TBL1XR1: variants seen among roughly 807,000 people sequenced by gnomAD.
TBL1XR1 encodes the protein TBL1X/Y related 1.
In TBL1XR1, 5 loss-of-function variants were observed where a neutral mutation model predicts 66.9. The observed-to-expected ratio is 0.07, with a 90% CI of 0.04 to 0.16. The LOEUF is 0.16. Among genes scored for constraint, TBL1XR1 ranks in the 10% least tolerant of loss-of-function variants. The pLI, the probability that TBL1XR1 is intolerant of heterozygous loss-of-function variation, is 1.00. For synonymous variants in TBL1XR1, 210 were observed against 206.0 expected, an observed-to-expected ratio of 1.02 and a Z score of -0.17; for missense variants, 238 against 623.2, an observed-to-expected ratio of 0.38 and a Z score of 6.58.
At position 177,034,277 on chromosome 3, in the gene TBL1XR1, T is replaced by C. The variant is rs749005513; in HGVS notation, c.1171A>G (p.Asn391Asp). 3 of 1,598,496 alleles carry C rather than the reference T, an allele frequency of 1.9e-6. No individual in the cohort carries two copies. In the African/African-American group the frequency reaches 4.1e-5, roughly 22 times the overall value. The stretch of plus-strand genomic sequence containing the variant: ...CATTTGATAGTATAAATTTCTTTAT[T>C]ATGTGCTTGCAAATCATGGACACAA... ...DNCVHDLQAHNKEIYTIKWSP... is the reference protein window; with the variant it reads ...DNCVHDLQAHDKEIYTIKWSP... The change falls in exon 13 of 16, where the codon AAT becomes GAT. Residue 391 changes from asparagine to aspartate, a missense_variant. Asn to Asp is a conservative substitution (Grantham distance 23). This residue lies in a region of TBL1XR1 where 89 missense variants were observed against 220.2 expected (regional missense o/e 0.40). Transcript: ENST00000457928.
chr3:177,138,370 G>A (rs1729236699), intron 1 of TBL1XR1, among the ~76,000 whole-genome samples: 1 of 152,172 alleles, frequency 6.6e-6, no homozygotes, highest in South Asian at 2.1e-4. Flanking sequence ...CGAGGTGGGA[G>A]AACTGATTGA....
chr3:177,183,877 T>G (rs1294439570), intron 1 of TBL1XR1, among the ~76,000 whole-genome samples: 1 of 151,964 alleles, frequency 6.6e-6, no homozygotes, highest in South Asian at 2.1e-4. Context: ...CAAGGCAAGG[T>G]GGATCACCTG....
At chr3:177,077,001 T>C (rs1174721297) in intron 2 of TBL1XR1, among the ~76,000 whole-genome samples, 1 of 152,190 alleles carries the variant, frequency 6.6e-6, no homozygotes, top group African/African-American at 2.4e-5. Flanking sequence ...AACGAGCATG[T>C]CCTATATGGG....
intron 1 of TBL1XR1, among the ~76,000 whole-genome samples, chr3:177,171,870 G>A (rs1733558935): frequency 6.6e-6 from 1 of 152,118 alleles, no homozygotes; most frequent in Non-Finnish European, 1.5e-5. Context: ...TCAAAGGACA[G>A]AGCATGTTGA....
intron 1 of TBL1XR1, among the ~76,000 whole-genome samples, chr3:177,108,210 A>T (rs572377968): frequency 6.6e-6 from 1 of 152,310 alleles, no homozygotes; most frequent in South Asian, 2.1e-4. Context: ...CTTACTATTT[A>T]AACACTGCCT....
intron 10 of TBL1XR1, among the ~76,000 whole-genome samples, chr3:177,045,473 C>T (rs1401421769): frequency 6.6e-6 from 1 of 152,046 alleles, no homozygotes; most frequent in Non-Finnish European, 1.5e-5. Flanking sequence ...GGGTGTGTGA[C>T]TGTATATCAT....
chr3:177,173,282 CGTAG>C (rs1229929109), intron 1 of TBL1XR1, among the ~76,000 whole-genome samples: 1 of 152,172 alleles, frequency 6.6e-6, no homozygotes, highest in African/African-American at 2.4e-5. Flanking sequence ...CCCTCTAGTA[CGTAG>C]AACTTAACAT....
chr3:177,073,706 G>A (rs543022592), intron 2 of TBL1XR1, among the ~76,000 whole-genome samples: 1 of 152,322 alleles, frequency 6.6e-6, no homozygotes, highest in African/African-American at 2.4e-5. Flanking sequence ...ACAATACAGT[G>A]AAGAGTGGGC....
At chr3:177,118,323 G>A (rs188415644) in intron 1 of TBL1XR1, among the ~76,000 whole-genome samples, 3 of 152,232 alleles carry the variant, frequency 2.0e-5, no homozygotes, top group East Asian at 3.9e-4. Flanking sequence ...ACAACTATAC[G>A]TCTTTCATGC....
At chr3:177,053,085 G>C (rs1028124962) in intron 4 of TBL1XR1, among the ~76,000 whole-genome samples, 11 of 152,156 alleles carry the variant, frequency 7.2e-5, no homozygotes, top group Non-Finnish European at 5.9e-5. Flanking sequence ...CTGGGCAACA[G>C]AGCGAGATTC....
At chr3:177,085,172 C>T (rs1721967914) in intron 2 of TBL1XR1, among the ~76,000 whole-genome samples, 1 of 152,200 alleles carries the variant, frequency 6.6e-6, no homozygotes, top group African/African-American at 2.4e-5. Context: ...TGAACCAACA[C>T]AAGTTCCAAA....
intron 2 of TBL1XR1, among the ~76,000 whole-genome samples, chr3:177,096,698 C>G (rs1723538383): frequency 6.6e-6 from 1 of 152,098 alleles, no homozygotes; most frequent in Non-Finnish European, 1.5e-5. Context: ...CTCCAAATAC[C>G]AAAGTTGATT....
At chr3:177,101,334 C>G (rs1047301563) in intron 1 of TBL1XR1, among the ~76,000 whole-genome samples, 1 of 151,716 alleles carries the variant, frequency 6.6e-6, no homozygotes, top group East Asian at 1.9e-4. Flanking sequence ...TTTGGTGAGG[C>G]TTGGTTAAAA....
intron 1 of TBL1XR1, among the ~76,000 whole-genome samples, chr3:177,101,323 T>C (rs116215197): frequency 0.037 from 5,605 of 152,252 alleles, 155 homozygotes; most frequent in Middle Eastern, 0.078. Context: ...CATGAGCCTG[T>C]TTTGGTGAGG....
intron 1 of TBL1XR1, among the ~76,000 whole-genome samples, chr3:177,119,141 T>C (rs1239019113): frequency 6.6e-6 from 1 of 152,038 alleles, no homozygotes; most frequent in Non-Finnish European, 1.5e-5. Flanking sequence ...CCGGCTACTA[T>C]TTGTATTTTT....
intron 7 of TBL1XR1, 26 bp downstream of exon 7, chr3:177,049,971 T>A (rs773245296): frequency 6.2e-7 from 1 of 1,610,098 alleles, no homozygotes; most frequent in Non-Finnish European, 8.5e-7. Flanking sequence ...AGTAATTATA[T>A]CCATCATGGA....
chr3:177,110,200 CAG>C (rs1248410050), intron 1 of TBL1XR1, among the ~76,000 whole-genome samples: 1 of 152,122 alleles, frequency 6.6e-6, no homozygotes, highest in Non-Finnish European at 1.5e-5. Context: ...AACTGTAACC[CAG>C]AGTCTATTCA....
Position 177,170,576 on chromosome 3 carries a change from C to T in TBL1XR1, c.-122+26545G>A, listed in dbSNP as rs77840550. Among the ~76,000 whole-genome samples, 6,015 of 152,142 alleles carry T rather than the reference C, an allele frequency of 0.04. 748 individuals are homozygous for T. In the East Asian group the frequency reaches 0.49, roughly 12 times the overall value. On this transcript the variant is annotated intron_variant, in intron 1 of 15. Transcript: ENST00000457928. Reference sequence around the variant, plus strand: ...CATAATAGGCACTCAATGATAGAATCGGGTGGGGAGAAAAAGGTCTTTCTC... The same window carrying T: ...CATAATAGGCACTCAATGATAGAATTGGGTGGGGAGAAAAAGGTCTTTCTC...
intron 1 of TBL1XR1, among the ~76,000 whole-genome samples, chr3:177,113,043 C>A (rs1725850307): frequency 6.6e-6 from 1 of 151,614 alleles, no homozygotes. Flanking sequence ...ATAGAGAGAA[C>A]CCAAAAGTAA....
Sources: gnomAD v4.1 joint callset for allele counts (sites outside exome capture counted in the v4.1 genomes callset) on GRCh38, gnomAD v4.1.1 for gene constraint, gnomAD v4.1.1 regional missense constraint, MANE v1.5 for transcripts, NCBI Gene and HGNC (gene_info 2026-07-23, HGNC 2026-07-21) for gene names.